The following SLC15A5 variants were observed in gnomAD, a reference collection of about 807,000 sequenced individuals.
The protein encoded by SLC15A5 is Peptide/histidine transporter ENSP00000340402.
A neutral mutation model predicts 56.1 loss-of-function variants in SLC15A5; 58 were observed. The ratio of observed to expected loss-of-function variants is 1.03; its 90% CI spans 0.84 to 1.29. The LOEUF is 1.29. Ranked by LOEUF, SLC15A5 falls within the 50% of genes most tolerant of loss-of-function variation. The probability of loss-of-function intolerance (pLI) is 0.00; values close to 1 mark genes in which losing one functional copy is unlikely to be tolerated. For synonymous variants in SLC15A5, 264 were observed against 250.5 expected (o/e 1.05, Z -0.51); for missense variants, 681 against 672.1 (o/e 1.01, Z -0.15).
At chr12:16,203,974 T>TA (rs1043591635) in intron 7 of SLC15A5, among the ~76,000 whole-genome samples, 26 of 152,172 alleles carry the variant, frequency 1.7e-4, no homozygotes, top group African/African-American at 5.8e-4. Flanking sequence ...GAAAAATGTA[T>TA]AAAATGTCTA....
chr12:16,212,656 A>T (rs1197475547), intron 7 of SLC15A5, among the ~76,000 whole-genome samples: 1 of 152,174 alleles, frequency 6.6e-6, no homozygotes, highest in East Asian at 1.9e-4. Context: ...ATTAACTTGC[A>T]ATGAGGTCTA....
rs200120437 is a variant in SLC15A5, at chr12:16,224,535, A to C, written c.1230T>G (p.His410Gln). 1 of 1,537,150 alleles carries C rather than the reference A, an allele frequency of 6.5e-7. No individual in the cohort carries two copies. The highest frequency in any genetic ancestry group is 8.7e-7 in the Non-Finnish European group (1 of 1,146,872). Reference sequence around the variant, plus strand: ...AAAGGGGCTGCTCCACTGCAGGGAAATGTTTTCGGTGTATTTCAAAGAAGC... The same window carrying C: ...AAAGGGGCTGCTCCACTGCAGGGAACTGTTTTCGGTGTATTTCAAAGAAGC... ...IAGFFEIHRK[H>Q]FPAVEQPLSG... is the part of the protein sequence containing the mutation. Residue 410 changes from histidine to glutamine, a missense_variant, in exon 6 of 9, where the codon CAT (histidine) becomes CAG (glutamine). Transcript: ENST00000344941.
At chr12:16,200,974 C>G (rs912418584) in intron 7 of SLC15A5, among the ~76,000 whole-genome samples, 1 of 151,990 alleles carries the variant, frequency 6.6e-6, no homozygotes, top group Non-Finnish European at 1.5e-5. Flanking sequence ...ACAAATAAAA[C>G]TGGCAAATCC....
At chr12:16,255,072 G>A (rs1420024421) in intron 3 of SLC15A5, among the ~76,000 whole-genome samples, 1 of 152,074 alleles carries the variant, frequency 6.6e-6, no homozygotes, top group Non-Finnish European at 1.5e-5. Context: ...TACCTTATAT[G>A]TATTGAAACA....
At chr12:16,264,982 G>T (rs1864679809) in intron 2 of SLC15A5, among the ~76,000 whole-genome samples, 2 of 152,170 alleles carry the variant, frequency 1.3e-5, no homozygotes, top group Non-Finnish European at 2.9e-5. Flanking sequence ...TAGAAGAAAA[G>T]ATAAACCAGG....
At chr12:16,202,757 T>C (rs904452544) in intron 7 of SLC15A5, among the ~76,000 whole-genome samples, 4 of 152,174 alleles carry the variant, frequency 2.6e-5, no homozygotes, top group Non-Finnish European at 1.5e-5. Flanking sequence ...AAGTGGTATA[T>C]ATACACAATG....
At chr12:16,273,528 C>G (rs1864784068) in intron 1 of SLC15A5, among the ~76,000 whole-genome samples, 1 of 152,032 alleles carries the variant, frequency 6.6e-6, no homozygotes, top group South Asian at 2.1e-4. Flanking sequence ...CATGCTTTTG[C>G]TAAGCTCTTT....
At chr12:16,254,881 C>A (rs61915937) in intron 3 of SLC15A5, among the ~76,000 whole-genome samples, 8,155 of 152,100 alleles carry the variant, frequency 0.054, 295 homozygotes, top group African/African-American at 0.094. Flanking sequence ...TTAAGTGACA[C>A]AAAATTATAG....
intron 5 of SLC15A5, among the ~76,000 whole-genome samples, chr12:16,227,434 T>C (rs1864253234): frequency 6.6e-6 from 1 of 152,224 alleles, no homozygotes; most frequent in Admixed American, 6.5e-5. Flanking sequence ...GAAAAGAGTC[T>C]GTTCCATTGC....
At chr12:16,220,891 T>G (rs1864180625) in intron 6 of SLC15A5, among the ~76,000 whole-genome samples, 1 of 152,294 alleles carries the variant, frequency 6.6e-6, no homozygotes, top group Non-Finnish European at 1.5e-5. Flanking sequence ...CCACACAGTA[T>G]TTTTTGAATA....
intron 5 of SLC15A5, 88 bp from the exon 6 acceptor site, chr12:16,224,690 A>G: frequency 1.6e-6 from 2 of 1,237,352 alleles, no homozygotes; most frequent in Non-Finnish European, 2.2e-6. Flanking sequence ...ACCCATTGAC[A>G]TTAGATGTTT....
intron 7 of SLC15A5, among the ~76,000 whole-genome samples, chr12:16,211,308 A>G (rs1358335111): frequency 6.6e-6 from 1 of 152,234 alleles, no homozygotes; most frequent in African/African-American, 2.4e-5. Context: ...TCGTGCCGAC[A>G]TAACTGTCAG....
intron 7 of SLC15A5, among the ~76,000 whole-genome samples, chr12:16,216,595 C>T (rs372627818): frequency 2.0e-4 from 31 of 152,072 alleles, no homozygotes; most frequent in African/African-American, 7.2e-4. Context: ...AGCTGTGAGG[C>T]ATTATTGCAT....
chr12:16,196,245 T>G lies in SLC15A5; in HGVS notation c.1484-1792A>C, dbSNP rs542590281. Among the ~76,000 whole-genome samples the G allele has an allele frequency of 6.6e-6, 1 of 152,204 alleles. No homozygotes were observed. The highest frequency in any genetic ancestry group is 2.1e-4 in the South Asian group (1 of 4,826). ...ATTTGGGTTCTATTATAATGAAAAT[T>G]TATGGTTTTATTGCTACAGTTACAT... On this transcript the variant is annotated intron_variant, in intron 7 of 8. Transcript: ENST00000344941. This position sits in a 1 kb window ranked among gnomAD's most constrained non-coding sequence, Gnocchi z 4.0.
intron 3 of SLC15A5, among the ~76,000 whole-genome samples, chr12:16,247,289 C>T (rs1591654616): frequency 6.6e-6 from 1 of 152,128 alleles, no homozygotes; most frequent in Non-Finnish European, 1.5e-5. Flanking sequence ...GAAATGAGAA[C>T]ATATGAATGA....
chr12:16,223,536 C>T lies in SLC15A5; in HGVS notation c.1351+878G>A, dbSNP rs140227065. The stretch of plus-strand genomic sequence containing the variant: ...TAAGCAATCTAGATAATTCAGAAAC[C>T]CTTGATATTTAATAAACTTATTTTG... On this transcript the variant is annotated intron_variant, in intron 6 of 8. Coordinates refer to ENST00000344941, the MANE Select transcript of SLC15A5 (RefSeq NM_001170798.1). Among the ~76,000 whole-genome samples, 970 of 151,994 alleles carry T rather than the reference C, an allele frequency of 6.4e-3. 8 individuals carry two copies. Among genetic ancestry groups the T allele is most frequent in the Admixed American group, 0.018 (279 of 15,258 alleles).
At chr12:16,277,188 A>T in intron 1 of SLC15A5, 137 bp downstream of exon 1, 1 of 857,944 alleles carries the variant, frequency 1.2e-6, no homozygotes, top group Non-Finnish European at 1.7e-6. Flanking sequence ...AAAGAATGAA[A>T]TACATTGAAC....
intron 5 of SLC15A5, among the ~76,000 whole-genome samples, chr12:16,226,650 T>C (rs1227026455): frequency 6.6e-6 from 1 of 152,180 alleles, no homozygotes; most frequent in Non-Finnish European, 1.5e-5. Context: ...AGAAAAAAAT[T>C]TCTTAAAGAG....
intron 5 of SLC15A5, among the ~76,000 whole-genome samples, chr12:16,233,293 A>T (rs1864316261): frequency 6.6e-6 from 1 of 152,236 alleles, no homozygotes; most frequent in Admixed American, 6.5e-5. Context: ...GCCAGTAATA[A>T]GTACTTCAGA....
Sources: allele counts gnomAD v4.1 joint callset (sites outside exome capture counted in the v4.1 genomes callset), GRCh38; gene constraint gnomAD v4.1.1; non-coding constraint Gnocchi (gnomAD v3.1); transcripts MANE v1.5; gene names NCBI Gene and HGNC (gene_info 2026-07-23, HGNC 2026-07-21).